AKR1C1: variants seen among roughly 807,000 people sequenced by gnomAD.
AKR1C1 encodes aldo-keto reductase family 1 member C1.
AKR1C1 carries 32 observed loss-of-function variants against 40.6 expected under a neutral mutation model. The observed-to-expected ratio is 0.79, with a 90% CI of 0.60 to 1.06. AKR1C1 has a LOEUF of 1.06. Ranked by LOEUF, AKR1C1 falls within the 50% of genes least tolerant of loss-of-function variation. The probability of loss-of-function intolerance (pLI) is 0.00; values close to 1 mark genes in which losing one functional copy is unlikely to be tolerated. For synonymous variants in AKR1C1, 105 were observed against 134.2 expected, an observed-to-expected ratio of 0.78 and a Z score of 1.50; for missense variants, 320 against 363.5, an observed-to-expected ratio of 0.88 and a Z score of 0.97.
At chr10:4,969,105 C>T (rs886965936) in intron 5 of AKR1C1, among the ~76,000 whole-genome samples, 161 bp downstream of exon 5, 7 of 152,160 alleles carry the variant, frequency 4.6e-5, no homozygotes, top group Admixed American at 1.3e-4. Flanking sequence ...TACTTGTACC[C>T]GGCTTAGAAA....
chr10:4,977,712 C>A lies in AKR1C1; in HGVS notation c.942C>A (p.Pro314=). 3 of 1,610,080 alleles carry A rather than the reference C, an allele frequency of 1.9e-6. No homozygotes were observed. In the South Asian group the frequency reaches 3.3e-5, roughly 18 times the overall value. The change falls in exon 9 of 9, where the codon CCC becomes CCA. Residue 314 remains proline (P), a synonymous_variant. Transcript: ENST00000380872. ...RYLTLDIFAG[P]PNYPFSDEY ...TTTCTCTTTCCAGTTTTGCTGGCCC[C>A]CCTAATTATCCATTTTCTGATGAAT...
intron 6 of AKR1C1, 102 bp downstream of exon 6, chr10:4,972,412 T>C: frequency 1.4e-6 from 2 of 1,411,174 alleles, no homozygotes; most frequent in Non-Finnish European, 9.6e-7. Flanking sequence ...TGACTTGGGG[T>C]GAGGGAAGAA....
chr10:4,970,273 T>C (rs925258289), intron 5 of AKR1C1, among the ~76,000 whole-genome samples: 2 of 152,240 alleles, frequency 1.3e-5, no homozygotes, highest in African/African-American at 4.8e-5. Flanking sequence ...CAGTCCATAT[T>C]TGAATTTTTC....
Position 4,983,169 on chromosome 10 carries a change from C to G in AKR1C1, c.*5427C>G, listed in dbSNP as rs1836646510. ...TCCTGAAGCAGAGCTGCCTCACTGCCCTGCACACACATGAGAGCGCAGCCA... is the reference window on the plus strand; with the variant it reads ...TCCTGAAGCAGAGCTGCCTCACTGCGCTGCACACACATGAGAGCGCAGCCA... On this transcript the variant is annotated 3_prime_UTR_variant, in exon 9 of 9. Transcript: ENST00000380872. 1.8e-5 allele frequency: 4 copies of G among 225,000 alleles called. No individual in the cohort carries two copies. The South Asian group carries it at 2.1e-4, about 12-fold the overall frequency. The allele number at this position is 225,000 out of a possible 1,614,324, so 13.9% of individuals were successfully genotyped here. A position where few individuals can be genotyped will look rare whatever the true frequency, so the allele number is the denominator to read the frequency against.
At chr10:4,968,519 T>G (rs942866786) in intron 4 of AKR1C1, 133 bp downstream of exon 4, 1 of 1,540,094 alleles carries the variant, frequency 6.5e-7, no homozygotes, top group Non-Finnish European at 8.9e-7. Flanking sequence ...GTAGTTTTTG[T>G]GAGCAGTGAG....
rs573914629 is a variant in AKR1C1 at position 4,964,071 on chromosome 10, T to C, written c.84+543T>C. On this transcript the variant is annotated intron_variant, in intron 1 of 8. Coordinates refer to ENST00000380872, the MANE Select transcript of AKR1C1 (RefSeq NM_001353.6). Reference sequence around the variant, plus strand: ...TATCCTCATTTTAAGAAAAAAAAAATACTAGAACCTAACAAGGAAAATTTA... The same window carrying C: ...TATCCTCATTTTAAGAAAAAAAAAACACTAGAACCTAACAAGGAAAATTTA... Among the ~76,000 whole-genome samples, 11 of 152,108 alleles carry C rather than the reference T, an allele frequency of 7.2e-5. No individual in the cohort carries two copies. The South Asian group carries it at 2.3e-3, about 32-fold the overall frequency.
At chr10:4,966,630 GT>G (rs1207441049) in intron 2 of AKR1C1, among the ~76,000 whole-genome samples, 5 of 152,162 alleles carry the variant, frequency 3.3e-5, no homozygotes, top group African/African-American at 1.2e-4. Flanking sequence ...ACTAACATGA[GT>G]TGTAAAACTT....
At chr10:4,973,942 C>A (rs1301114710) in intron 7 of AKR1C1, among the ~76,000 whole-genome samples, 1 of 150,366 alleles carries the variant, frequency 6.7e-6, no homozygotes, top group African/African-American at 2.4e-5. Flanking sequence ...ATTATAAAAC[C>A]TATGTCACAT....
At chr10:4,967,093 A>G (rs1370371083) in intron 3 of AKR1C1, 50 bp downstream of exon 3, 7 of 1,559,978 alleles carry the variant, frequency 4.5e-6, no homozygotes, top group Non-Finnish European at 6.2e-6. Context: ...CTCAGCATAA[A>G]TATTGTTTTT....
rs1564314801 is a variant in AKR1C1, at chr10:4,965,992, T to C, written c.163T>C (p.Tyr55His). ...GFRHIDSAHL[Y>H]NNEEQVGLAI... Reference sequence around the variant, plus strand: ...CCGCCATATTGATTCTGCTCATTTATACAATAATGAGGAGCAGGTTGGACT... The same window carrying C: ...CCGCCATATTGATTCTGCTCATTTACACAATAATGAGGAGCAGGTTGGACT... Residue 55 changes from tyrosine to histidine, a missense_variant, in exon 2 of 9, where the codon TAC (tyrosine) becomes CAC (histidine). Physicochemically the swap from Tyr to His is moderately conservative, Grantham distance 83 (BLOSUM62 2). This residue lies in a region of AKR1C1 where 214 missense variants were observed against 214.8 expected (regional missense o/e 1.00). Transcript: ENST00000380872. 1.2e-6 allele frequency: 2 copies of C among 1,614,256 alleles called. No individual in the cohort carries two copies. Among genetic ancestry groups the C allele is most frequent in the Admixed American group, 1.7e-5 (1 of 60,038 alleles).
intron 1 of AKR1C1, among the ~76,000 whole-genome samples, chr10:4,964,641 CG>C (rs1836301289): frequency 6.6e-6 from 1 of 152,164 alleles, no homozygotes; most frequent in Non-Finnish European, 1.5e-5. Flanking sequence ...AAATTTGTTA[CG>C]TAAGTCAATA....
chr10:4,970,288 C>G (rs1301370407), intron 5 of AKR1C1, among the ~76,000 whole-genome samples: 1 of 152,164 alleles, frequency 6.6e-6, no homozygotes, highest in Non-Finnish European at 1.5e-5. Flanking sequence ...TTTTTCCTTG[C>G]TTAATCAAAA....
chr10:4,971,303 G>C (rs2131644252), intron 5 of AKR1C1, among the ~76,000 whole-genome samples: 1 of 152,064 alleles, frequency 6.6e-6, no homozygotes, highest in African/African-American at 2.4e-5. Flanking sequence ...TCCTCTAAGT[G>C]AGGGTAAAGG....
intron 5 of AKR1C1, chr10:4,969,728 C>A (rs1266700318): frequency 6.2e-7 from 1 of 1,611,976 alleles, no homozygotes; most frequent in South Asian, 1.1e-5. Context: ...TCCAGGCCTC[C>A]TTGATCAAAT....
At position 4,972,660 on chromosome 10, in the gene AKR1C1, G is replaced by A. The variant is rs1554769996; in HGVS notation, c.757G>A (p.Ala253Thr). 6.2e-7 allele frequency: 1 copy of A among 1,612,926 alleles called. No homozygotes were observed. Among genetic ancestry groups the A allele is most frequent in the Non-Finnish European group, 8.5e-7 (1 of 1,180,036 alleles). Residue 253 changes from alanine (A) to threonine (T), a missense_variant, in exon 7 of 9, where the codon GCC becomes ACC. Ala to Thr is a moderately conservative substitution (Grantham distance 58). This residue lies in a region of AKR1C1 where 77 missense variants were observed against 125.3 expected (regional missense o/e 0.61). Coordinates refer to ENST00000380872, the MANE Select transcript of AKR1C1 (RefSeq NM_001353.6). ...GGCAAAAAAGCACAAGCGAACCCCA[G>A]CCCTGATTGCCCTGCGCTACCAGCT... ...ALAKKHKRTP[A>T]LIALRYQLQR...
At position 4,979,312 on chromosome 10, in the gene AKR1C1, A is replaced by G. The variant is rs1376940729; in HGVS notation, c.*1570A>G. 2 of 152,156 alleles carry G rather than the reference A, an allele frequency of 1.3e-5. No individual in the cohort carries two copies. The highest frequency in any genetic ancestry group is 2.4e-5 in the African/African-American group (1 of 41,428). 9.4% of individuals were successfully genotyped at this position (152,156 alleles called of 1,614,324 possible). A position where few individuals can be genotyped will look rare whatever the true frequency, so the allele number is the denominator to read the frequency against. The stretch of plus-strand genomic sequence containing the variant: ...CACTTCTAGGCTGAAAAATCCCCCT[A>G]AAAATATTTCTAGCTCAGATTTTTC... On this transcript the variant is annotated 3_prime_UTR_variant, in exon 9 of 9. Coordinates refer to ENST00000380872, the MANE Select transcript of AKR1C1 (RefSeq NM_001353.6).
intron 1 of AKR1C1, chr10:4,963,966 A>C (rs1052608247): frequency 4.6e-5 from 34 of 743,608 alleles, no homozygotes; most frequent in Non-Finnish European, 8.2e-5. Context: ...TGAGCACCAC[A>C]CTGTAATACT....
rs1421691672 is a variant in AKR1C1 at position 4,966,048 on chromosome 10, T to C, written c.219T>C (p.Ser73=). Residue 73 remains serine (S), a synonymous_variant, in exon 2 of 9, where the codon AGT becomes AGC. Transcript: ENST00000380872. ...LAIRSKIADG[S]VKREDIFYTS... ...TCCGAAGCAAGATTGCAGATGGCAG[T>C]GTGAAGAGAGAAGACATATTCTACA... is the stretch of plus-strand genomic sequence containing the variant. 1 of 1,614,148 alleles carries C rather than the reference T, an allele frequency of 6.2e-7. No homozygotes were observed. Among genetic ancestry groups the C allele is most frequent in the Non-Finnish European group, 8.5e-7 (1 of 1,179,988 alleles).
rs144313192 is a variant in AKR1C1, at chr10:4,968,461, A to G, written c.447+75A>G. On this transcript the variant is annotated intron_variant, in intron 4 of 8. Transcript: ENST00000380872. The stretch of plus-strand genomic sequence containing the variant: ...ATCTGTTTCCTATCTTCTTAGTACA[A>G]GTATGGAAAATGCACCATTGGATCA... 2,644 of 1,150,330 alleles carry G rather than the reference A, an allele frequency of 2.3e-3. 49 individuals carry two copies. In the African/African-American group the frequency reaches 0.037, roughly 16 times the overall value. 71.3% of individuals were successfully genotyped at this position (1,150,330 alleles called of 1,614,324 possible).
Sources: gnomAD v4.1 joint callset for allele counts (sites outside exome capture counted in the v4.1 genomes callset) on GRCh38, gnomAD v4.1.1 for gene constraint, gnomAD v4.1.1 regional missense constraint, MANE v1.5 for transcripts, NCBI Gene and HGNC (gene_info 2026-07-23, HGNC 2026-07-21) for gene names.